MYH10: variants seen among roughly 807,000 people sequenced by gnomAD.
The protein encoded by MYH10 is myosin-10.
In MYH10, 55 loss-of-function variants were observed where a neutral mutation model predicts 257.8. The ratio of observed to expected loss-of-function variants is 0.21; its 90% CI spans 0.17 to 0.27. The LOEUF (loss-of-function observed/expected upper bound fraction) is 0.27, where lower values mean the gene tolerates loss of function less well. MYH10 is among the 10% of genes least tolerant of loss of function. MYH10 has a pLI of 1.00. For missense variants in MYH10, 1,631 were observed against 2,500.6 expected (o/e 0.65, Z 7.42); for synonymous variants, 854 against 921.7 (o/e 0.93, Z 1.33).
chr17:8,487,904 C>T (rs549798177), intron 35 of MYH10, among the ~76,000 whole-genome samples: 46 of 152,114 alleles, frequency 3.0e-4, no homozygotes, highest in Admixed American at 1.9e-3. Context: ...CAAGACAATA[C>T]GGTAACCATG....
chr17:8,558,001 A>AT (rs1056988117), intron 7 of MYH10, among the ~76,000 whole-genome samples: 63 of 152,328 alleles, frequency 4.1e-4, no homozygotes, highest in African/African-American at 1.5e-3. Context: ...CAAATCCATC[A>AT]TTATGAGGCT....
intron 3 of MYH10, among the ~76,000 whole-genome samples, chr17:8,597,255 A>T (rs998639058): frequency 1.6e-4 from 24 of 152,164 alleles, no homozygotes; most frequent in African/African-American, 5.8e-4. Context: ...GAGGGTTTAG[A>T]TGAGTATAAA....
intron 7 of MYH10, among the ~76,000 whole-genome samples, chr17:8,556,225 A>ATCTGGGT (rs1213178881): frequency 7.9e-5 from 12 of 152,364 alleles, no homozygotes; most frequent in African/African-American, 2.4e-4. Flanking sequence ...ACGGCGTCAA[A>ATCTGGGT]CACAGATTAC....
chr17:8,542,221 G>C lies in MYH10; in HGVS notation c.1491C>G (p.Phe497Leu). Residue 497 changes from phenylalanine to leucine, a missense_variant, in exon 14 of 43, where the codon TTC (phenylalanine) becomes TTG (leucine). Physicochemically the swap from Phe to Leu is conservative, Grantham distance 22. Transcript: ENST00000360416. ...GTTCTAGGATAAACATGGTGTGGTT[G>C]AACAGCTGCTGCAGCTTCTCATTGG... ...NYTNEKLQQLFNHTMFILEQE... is the reference protein window; with the variant it reads ...NYTNEKLQQLLNHTMFILEQE... 1 of 1,614,178 alleles carries C rather than the reference G, an allele frequency of 6.2e-7. No homozygotes were observed. The highest frequency in any genetic ancestry group is 1.1e-5 in the South Asian group (1 of 91,074).
At position 8,489,708 on chromosome 17, in the gene MYH10, A is replaced by AACACACACACACACAC. The variant is rs59065540; in HGVS notation, c.4884+616_4884+631dup. On this transcript the variant is annotated intron_variant, in intron 35 of 42. Coordinates refer to ENST00000360416, the MANE Select transcript of MYH10 (RefSeq NM_001256012.3). ...GACAGAGCGAGACTCCGTCTGAAAA[A>AACACACACACACACAC]ACACACACACACACACACACACACA... Among the ~76,000 whole-genome samples the AACACACACACACACAC allele has an allele frequency of 1.8e-3, 168 of 93,130 alleles. 2 individuals are homozygous for AACACACACACACACAC. The highest frequency in any genetic ancestry group is 5.4e-3 in the African/African-American group (145 of 27,030). 61.1% of individuals were successfully genotyped at this position (93,130 alleles called of 152,430 possible).
At chr17:8,544,734 A>T (rs1392990014) in intron 13 of MYH10, among the ~76,000 whole-genome samples, 1 of 152,194 alleles carries the variant, frequency 6.6e-6, no homozygotes, top group African/African-American at 2.4e-5. Context: ...AAATTTTTAG[A>T]TGCCCCAAAT....
At chr17:8,480,633 C>A in intron 38 of MYH10, 108 bp from the exon 39 acceptor site, 1 of 1,456,868 alleles carries the variant, frequency 6.9e-7, no homozygotes, top group Non-Finnish European at 9.3e-7. Context: ...GAGCAGCCAT[C>A]CTGAATTTTC....
intron 2 of MYH10, among the ~76,000 whole-genome samples, chr17:8,614,375 G>C (rs1313893325): frequency 1.5e-5 from 2 of 137,494 alleles, no homozygotes; most frequent in Admixed American, 8.2e-5. Flanking sequence ...GAGTGGTGCA[G>C]TGGTGCAATC....
chr17:8,555,858 A>T (rs2082775149), intron 7 of MYH10, among the ~76,000 whole-genome samples: 1 of 151,270 alleles, frequency 6.6e-6, no homozygotes, highest in Admixed American at 6.6e-5. Flanking sequence ...GAGAAGCCAC[A>T]AACTGGGAGA....
rs2082408411 is a variant in MYH10, at chr17:8,545,237, T to TATCTCAA, written c.1431+210_1431+211insTTGAGAT. Among the ~76,000 whole-genome samples, 2 of 152,222 alleles carry TATCTCAA rather than the reference T, an allele frequency of 1.3e-5. No homozygotes were observed. Among genetic ancestry groups the TATCTCAA allele is most frequent in the African/African-American group, 4.8e-5 (2 of 41,454 alleles). On this transcript the variant is annotated intron_variant, in intron 13 of 42. Transcript: ENST00000360416. The surrounding 1 kb of genome is among the most constrained non-coding windows in gnomAD (Gnocchi z 4.7). Reference sequence around the variant, plus strand: ...CCTTCCCTGAACAGCTATCTCAAGCTGGCCTCCCAGTTCTATCACAGCACC... The same window carrying TATCTCAA: ...CCTTCCCTGAACAGCTATCTCAAGCTATCTCAAGGCCTCCCAGTTCTATCACAGCACC...
In MYH10 at chr17:8,487,609, C is replaced by G; in HGVS notation, c.4885-15G>C. On this transcript the variant is annotated splice_polypyrimidine_tract_variant and intron_variant, in intron 35 of 42. Transcript: ENST00000360416. ...AGCTCCCGCACCTAATGGACAACATCGGGTTATGCTGGGTTACATCCAAGT... is the reference window on the plus strand; with the variant it reads ...AGCTCCCGCACCTAATGGACAACATGGGGTTATGCTGGGTTACATCCAAGT... 1 of 1,613,970 alleles carries G rather than the reference C, an allele frequency of 6.2e-7. No homozygotes were observed. The highest frequency in any genetic ancestry group is 8.5e-7 in the Non-Finnish European group (1 of 1,179,958).
At chr17:8,573,648 G>C (rs2083416146) in intron 6 of MYH10, among the ~76,000 whole-genome samples, 1 of 152,220 alleles carries the variant, frequency 6.6e-6, no homozygotes, top group South Asian at 2.1e-4. Flanking sequence ...AGGGCACACA[G>C]AAGCTGTACT....
intron 19 of MYH10, among the ~76,000 whole-genome samples, chr17:8,519,211 C>T (rs1337040990): frequency 6.6e-6 from 1 of 152,168 alleles, no homozygotes; most frequent in Non-Finnish European, 1.5e-5. Context: ...AAATCAAAAG[C>T]ATGGTGTTTT....
At chr17:8,543,597 C>T (rs190108693) in intron 13 of MYH10, among the ~76,000 whole-genome samples, 10 of 151,462 alleles carry the variant, frequency 6.6e-5, no homozygotes, top group Non-Finnish European at 1.2e-4. Flanking sequence ...CCTCAGCCTT[C>T]GGAGTAGCTG....
At chr17:8,556,600 T>G (rs2082807595) in intron 7 of MYH10, among the ~76,000 whole-genome samples, 1 of 152,194 alleles carries the variant, frequency 6.6e-6, no homozygotes, top group African/African-American at 2.4e-5. Context: ...GTCAGTGGTT[T>G]CAGGGGCAGG....
chr17:8,555,937 T>C (rs1372471156), intron 7 of MYH10, among the ~76,000 whole-genome samples: 4 of 152,192 alleles, frequency 2.6e-5, no homozygotes, highest in Admixed American at 6.5e-5. Flanking sequence ...TATATTTCAA[T>C]AGTAGGACAA....
intron 3 of MYH10, among the ~76,000 whole-genome samples, chr17:8,602,598 A>T (rs1293058283): frequency 6.6e-6 from 1 of 152,202 alleles, no homozygotes; most frequent in Non-Finnish European, 1.5e-5. Flanking sequence ...ATACAAAGGG[A>T]AATTGTTTAG....
intron 13 of MYH10, among the ~76,000 whole-genome samples, chr17:8,543,137 A>G (rs2082338338): frequency 6.6e-6 from 1 of 152,330 alleles, no homozygotes; most frequent in East Asian, 1.9e-4. Context: ...TACTGTTCAC[A>G]CAGCTGCATG....
At chr17:8,540,068 C>T (rs140437977) in intron 14 of MYH10, among the ~76,000 whole-genome samples, 98 of 152,286 alleles carry the variant, frequency 6.4e-4, no homozygotes, top group African/African-American at 2.2e-3. Flanking sequence ...CGGCTCACTG[C>T]AACCTCTGCC....
Sources: gnomAD v4.1 joint callset for allele counts (sites outside exome capture counted in the v4.1 genomes callset) on GRCh38, gnomAD v4.1.1 for gene constraint, Gnocchi (gnomAD v3.1) non-coding constraint, MANE v1.5 for transcripts, NCBI Gene and HGNC (gene_info 2026-07-23, HGNC 2026-07-21) for gene names.